EEF2K: variants seen among roughly 807,000 people sequenced by gnomAD.
EEF2K encodes the protein alternative protein EEF2K.
EEF2K carries 70 observed loss-of-function variants against 93.8 expected under a neutral mutation model. The observed-to-expected ratio is 0.75, with a 90% confidence interval of 0.62 to 0.91. The LOEUF is 0.91. Ranked by LOEUF, EEF2K falls within the 40% of genes least tolerant of loss-of-function variation. The pLI is 0.00. For missense variants in EEF2K, 935 were observed against 972.9 expected (o/e 0.96, Z 0.52); for synonymous variants, 376 against 380.8 (o/e 0.99, Z 0.15).
intron 16 of EEF2K, among the ~76,000 whole-genome samples, chr16:22,274,692 C>G (rs1352057260): frequency 6.6e-6 from 1 of 152,110 alleles, no homozygotes; most frequent in Non-Finnish European, 1.5e-5. Context: ...ACTGCAGCCT[C>G]TACCTCCTGG....
chr16:22,249,735 G>A (rs902629869), intron 4 of EEF2K, among the ~76,000 whole-genome samples: 2 of 151,568 alleles, frequency 1.3e-5, no homozygotes, highest in African/African-American at 2.4e-5. Context: ...AGCCTCCCGA[G>A]TAGCTCAGAC....
At chr16:22,216,883 C>T (rs1250742540) in intron 1 of EEF2K, among the ~76,000 whole-genome samples, 1 of 151,742 alleles carries the variant, frequency 6.6e-6, no homozygotes, top group African/African-American at 2.4e-5. Context: ...TAATCAGGGC[C>T]GGGTGCAGTG....
chr16:22,246,543 C>T (rs984103049), intron 3 of EEF2K, among the ~76,000 whole-genome samples: 1 of 137,938 alleles, frequency 7.2e-6, no homozygotes, highest in South Asian at 2.3e-4. Flanking sequence ...AAAAAAAAGA[C>T]GTCACTTTGG....
At chr16:22,207,739 C>G (rs763007731) in intron 1 of EEF2K, among the ~76,000 whole-genome samples, 1 of 152,066 alleles carries the variant, frequency 6.6e-6, no homozygotes, top group Non-Finnish European at 1.5e-5. Flanking sequence ...ATCCCCAGGC[C>G]CACAGAAGCT....
rs182959007 is a variant in EEF2K at position 22,257,629 on chromosome 16, C to G, written c.902-14C>G. ...AGCAAAGCAACACTCCAGACACCCC[C>G]GCTCTGTCCACAGGTGTCCGCGGGA... is the stretch of plus-strand genomic sequence containing the variant. On this transcript the variant is annotated splice_polypyrimidine_tract_variant and intron_variant, in intron 8 of 17. Transcript: ENST00000263026. 5 of 1,611,382 alleles carry G rather than the reference C, an allele frequency of 3.1e-6. No homozygotes were observed. The highest frequency in any genetic ancestry group is 4.5e-5 in the East Asian group (2 of 44,892).
chr16:22,231,487 A>G (rs2047114712), intron 2 of EEF2K, among the ~76,000 whole-genome samples: 1 of 152,040 alleles, frequency 6.6e-6, no homozygotes, highest in Non-Finnish European at 1.5e-5. Context: ...TTTGAAGGGG[A>G]AGTTTGCACC....
chr16:22,258,506 A>G lies in EEF2K; in HGVS notation c.1042A>G (p.Thr348Ala), dbSNP rs1421254514. The change falls in exon 10 of 18, where the codon ACC (threonine) becomes GCC (alanine). Residue 348 changes from threonine (T) to alanine (A), a missense_variant. Coordinates refer to ENST00000263026, the MANE Select transcript of EEF2K (RefSeq NM_013302.5). ...TTAATGTCCCTAGCAATCAGCCAAG[A>G]CCATCTTGAGAGGAACAGAGGAAAA... Reference protein sequence around the residue: ...QNTKLLQSAKTILRGTEEKCG... With the variant: ...QNTKLLQSAKAILRGTEEKCG... 2 of 1,614,028 alleles carry G rather than the reference A, an allele frequency of 1.2e-6. No individual in the cohort carries two copies. The highest frequency in any genetic ancestry group is 1.7e-6 in the Non-Finnish European group (2 of 1,180,002).
chr16:22,282,540 G>A (rs1425665454), intron 17 of EEF2K, among the ~76,000 whole-genome samples: 1 of 152,218 alleles, frequency 6.6e-6, no homozygotes, highest in Non-Finnish European at 1.5e-5. Flanking sequence ...CTGTTAAGAG[G>A]TGATTAATGT....
At chr16:22,227,067 C>T (rs62044765) in intron 2 of EEF2K, among the ~76,000 whole-genome samples, 17,986 of 152,044 alleles carry the variant, frequency 0.12, 1,305 homozygotes, top group Middle Eastern at 0.17. Flanking sequence ...GGTGTGGTGG[C>T]GCACACCTGT....
intron 1 of EEF2K, among the ~76,000 whole-genome samples, chr16:22,210,554 GTGA>G (rs1271578852): frequency 6.6e-6 from 1 of 152,190 alleles, no homozygotes; most frequent in African/African-American, 2.4e-5. Flanking sequence ...GGTTAAGGAA[GTGA>G]TGACTGCATT....
At chr16:22,260,427 G>A (rs747092231) in intron 10 of EEF2K, 35 bp from the exon 11 acceptor site, 2 of 1,613,718 alleles carry the variant, frequency 1.2e-6, no homozygotes, top group East Asian at 2.2e-5. Context: ...TCCAGTAGTG[G>A]AACCAGGACA....
rs80276174 is a variant in EEF2K at position 22,285,640 on chromosome 16, C to T, written c.*1644C>T. On this transcript the variant is annotated 3_prime_UTR_variant, in exon 18 of 18. Coordinates refer to ENST00000263026, the MANE Select transcript of EEF2K (RefSeq NM_013302.5). ...TCAAGACCAGCCTGGGTAAACATGG[C>T]GAGACCCTGTCTCTACCAAAACAAC... 0.016 allele frequency: 2,445 copies of T among 152,404 alleles called. 93 individuals carry two copies. The highest frequency in any genetic ancestry group is 0.1 in the East Asian group (538 of 5,178). 9.4% of individuals were successfully genotyped at this position (152,404 alleles called of 1,614,324 possible).
chr16:22,244,220 C>T (rs1471785883), intron 2 of EEF2K, among the ~76,000 whole-genome samples: 1 of 150,988 alleles, frequency 6.6e-6, no homozygotes, highest in Non-Finnish European at 1.5e-5. Context: ...CAGAGTGAGA[C>T]TCTGTTTCTA....
intron 12 of EEF2K, among the ~76,000 whole-genome samples, chr16:22,264,073 C>A (rs1203889980): frequency 6.6e-6 from 1 of 151,986 alleles, no homozygotes; most frequent in Admixed American, 6.6e-5. Flanking sequence ...GCAGGCAGAT[C>A]ACTTGAGGCC....
intron 13 of EEF2K, 108 bp downstream of exon 13, chr16:22,264,988 C>A: frequency 1.5e-6 from 2 of 1,343,362 alleles, no homozygotes; most frequent in South Asian, 1.3e-5. Flanking sequence ...CTGTCTTGCA[C>A]ATGTGCTAAA....
intron 8 of EEF2K, 78 bp downstream of exon 8, chr16:22,257,463 G>C (rs929730868): frequency 9.9e-5 from 157 of 1,578,104 alleles, no homozygotes; most frequent in Non-Finnish European, 1.3e-4. Context: ...TACAGCCAAG[G>C]AAACAGGCTG....
intron 1 of EEF2K, among the ~76,000 whole-genome samples, chr16:22,207,890 C>T (rs998997287): frequency 1.3e-5 from 2 of 152,128 alleles, no homozygotes; most frequent in Admixed American, 1.3e-4. Context: ...CTTCCTGTAG[C>T]AAGTGCTGTT....
intron 2 of EEF2K, 65 bp from the exon 3 acceptor site, chr16:22,244,564 TC>T: frequency 4.0e-6 from 6 of 1,493,214 alleles, no homozygotes; most frequent in Non-Finnish European, 5.6e-6. Context: ...GCAGGAGGAG[TC>T]CACGCTGTCC....
At chr16:22,207,117 G>A (rs1035834558) in intron 1 of EEF2K, among the ~76,000 whole-genome samples, 8 of 152,210 alleles carry the variant, frequency 5.3e-5, no homozygotes, top group African/African-American at 1.9e-4. Flanking sequence ...GGACTGTATA[G>A]ACGCGCCCTT....
Sources: allele counts gnomAD v4.1 joint callset (sites outside exome capture counted in the v4.1 genomes callset), GRCh38; gene constraint gnomAD v4.1.1; transcripts MANE v1.5; gene names NCBI Gene and HGNC (gene_info 2026-07-23, HGNC 2026-07-21).